Variants in MGAM observed in about 807,000 individuals in gnomAD.
MGAM encodes maltase-glucoamylase, also known as alpha-1,4-glucosidase.
In MGAM, 253 loss-of-function variants were observed where a neutral mutation model predicts 358.8. The observed-to-expected ratio is 0.71, with a 90% confidence interval of 0.64 to 0.78. The LOEUF is 0.78. Among genes scored for constraint, MGAM ranks in the 30% least tolerant of loss-of-function variants. The pLI is 0.00. For synonymous variants in MGAM, 1,105 were observed against 1,227.1 expected (o/e 0.90, Z 2.08); for missense variants, 3,080 against 3,432.6 (o/e 0.90, Z 2.57).
intron 2 of MGAM, among the ~76,000 whole-genome samples, chr7:141,989,652 C>T (rs899860021): frequency 2.6e-5 from 4 of 151,676 alleles, no homozygotes; most frequent in Non-Finnish European, 4.4e-5. Flanking sequence ...AACTCCTGGG[C>T]TCAAGTGATC....
chr7:142,005,454 CT>C lies in MGAM; in HGVS notation c.-2-71del. The C allele has an allele frequency of 2.7e-6, 3 of 1,115,348 alleles. No individual in the cohort carries two copies. The South Asian group carries it at 5.1e-5, about 19-fold the overall frequency. 69.1% of individuals were successfully genotyped at this position (1,115,348 alleles called of 1,614,324 possible). A position where few individuals can be genotyped will look rare whatever the true frequency, so the allele number is the denominator to read the frequency against. On this transcript the variant is annotated intron_variant, in intron 1 of 70. Transcript: ENST00000475668. ...ATAGTATTCATTGCATACATTTGAG[CT>C]TTTCCATTAAAAATCTTACTAGTTA...
chr7:142,071,168 T>C (rs1206341611), intron 44 of MGAM, 50 bp downstream of exon 44: 1 of 1,511,422 alleles, frequency 6.6e-7, no homozygotes, highest in Admixed American at 1.9e-5. Flanking sequence ...AGCTCAACAA[T>C]TTGTGATGAA....
chr7:142,068,348 C>A lies in MGAM; in HGVS notation c.5005-299C>A, dbSNP rs551040192. On this transcript the variant is annotated intron_variant, in intron 42 of 70. Transcript: ENST00000475668. ...TTTCTTCTGCCCCAGACACAACCTCCCTTGTTTGTCTCTTTAAGAGTCAAA... is the reference window on the plus strand; with the variant it reads ...TTTCTTCTGCCCCAGACACAACCTCACTTGTTTGTCTCTTTAAGAGTCAAA... 1.1e-4 allele frequency among the ~76,000 whole-genome samples: 16 copies of A among 143,970 alleles called. 1 individual carries two copies. Among genetic ancestry groups the A allele is most frequent in the African/African-American group, 3.9e-4 (16 of 40,926 alleles). 94.4% of individuals were successfully genotyped at this position (143,970 alleles called of 152,430 possible).
intron 3 of MGAM, among the ~76,000 whole-genome samples, chr7:142,011,478 G>A (rs1249170457): frequency 6.6e-6 from 1 of 151,414 alleles, no homozygotes; most frequent in African/African-American, 2.4e-5. Flanking sequence ...AGTCTTAAAA[G>A]ACTTAAGTTT....
In MGAM at chr7:142,015,597, T is replaced by C. The variant is rs1805904716; in HGVS notation, c.328-3602T>C. ...TTGAATTTCTACCGAGACAATATTT[T>C]GTCTGGAAGTAATGGATGATTTGGC... On this transcript the variant is annotated intron_variant, in intron 3 of 70. Transcript: ENST00000475668. 2.0e-5 allele frequency among the ~76,000 whole-genome samples: 3 copies of C among 152,100 alleles called. No homozygotes were observed. The South Asian group carries it at 6.2e-4, about 32-fold the overall frequency.
chr7:142,056,895 G>C lies in MGAM; in HGVS notation c.3646G>C (p.Val1216Leu). 6.2e-7 allele frequency: 1 copy of C among 1,613,886 alleles called. No individual in the cohort carries two copies. The highest frequency in any genetic ancestry group is 8.5e-7 in the Non-Finnish European group (1 of 1,179,832). Residue 1216 changes from valine (V) to leucine (L), a missense_variant, in exon 30 of 71, where the codon GTG becomes CTG. Transcript: ENST00000475668. ...CACAGGGGGAGTTCTGGACTTTTAT[G>C]TGTTCTTGGGGCCGACTCCAGAGCT... ...RTTGGVLDFY[V>L]FLGPTPELVT...
intron 10 of MGAM, chr7:142,030,159 G>A: frequency 1.8e-6 from 1 of 552,514 alleles, no homozygotes. Context: ...GCAGGGAGGG[G>A]GCCAAGCCCT....
In MGAM at chr7:142,097,357, T is replaced by C. The variant is rs374134459; in HGVS notation, c.7693-236T>C. On this transcript the variant is annotated intron_variant, in intron 65 of 70. Transcript: ENST00000475668. ...TAAGCAAATAGTGAATTTTTTTTTT[T>C]CCCGAAGTCCTGGGTACCAAAGTGC... Among the ~76,000 whole-genome samples the C allele has an allele frequency of 4.3e-5, 6 of 139,240 alleles. No individual in the cohort carries two copies. In the South Asian group the frequency reaches 7.0e-4, roughly 16 times the overall value. The allele number at this position is 139,240 out of a possible 152,430, so 91.3% of individuals were successfully genotyped here. A position where few individuals can be genotyped will look rare whatever the true frequency, so the allele number is the denominator to read the frequency against.
chr7:142,029,986 GT>G (rs1378071327), intron 10 of MGAM, among the ~76,000 whole-genome samples: 1 of 152,224 alleles, frequency 6.6e-6, no homozygotes, highest in African/African-American at 2.4e-5. Flanking sequence ...GAGAGAGACA[GT>G]CTCTTCCCTT....
chr7:142,031,463 ATTAAGGAC>A (rs1807484461), intron 12 of MGAM, among the ~76,000 whole-genome samples: 2 of 152,220 alleles, frequency 1.3e-5, no homozygotes, highest in South Asian at 4.1e-4. Context: ...GAATTTATTC[ATTAAGGAC>A]TTAAACATTT....
At chr7:142,049,932 A>T (rs144115117) in intron 22 of MGAM, among the ~76,000 whole-genome samples, 2 of 152,212 alleles carry the variant, frequency 1.3e-5, no homozygotes, top group Non-Finnish European at 2.9e-5. Flanking sequence ...ATCCCATGAA[A>T]TCCCACTTCT....
At chr7:142,036,036 C>T (rs1554465656) in intron 16 of MGAM, 133 bp from the exon 17 acceptor site, 2 of 647,384 alleles carry the variant, frequency 3.1e-6, no homozygotes, top group Non-Finnish European at 5.4e-6. Context: ...AGGCTATGAC[C>T]AAATTTTGAC....
intron 37 of MGAM, 120 bp downstream of exon 37, chr7:142,064,642 T>G (rs1204274122): frequency 7.5e-7 from 1 of 1,339,622 alleles, no homozygotes; most frequent in East Asian, 2.5e-5. Context: ...CTCATAACTC[T>G]GTAATGATTC....
Position 142,036,403 on chromosome 7 carries a change from A to G in MGAM, c.2076+118A>G. ...CTCTTACCTGGTCTTCACTTACTCT[A>G]ATTTGCACTATCATGTGCAATTAAC... is the stretch of plus-strand genomic sequence containing the variant. On this transcript the variant is annotated intron_variant, in intron 17 of 70. Transcript: ENST00000475668. 3 of 760,224 alleles carry G rather than the reference A, an allele frequency of 3.9e-6. No individual in the cohort carries two copies. In the Middle Eastern group the frequency reaches 7.0e-4, roughly 178 times the overall value. The allele number at this position is 760,224 out of a possible 1,614,324, so 47.1% of individuals were successfully genotyped here.
chr7:142,042,517 T>C (rs1275650816), intron 21 of MGAM, among the ~76,000 whole-genome samples: 1 of 16,872 alleles, frequency 5.9e-5, no homozygotes, highest in Non-Finnish European at 8.6e-5. Context: ...ATATATATTA[T>C]ATATACATAT....
chr7:142,083,913 TAGTGGTGGTGAC>T (rs1814546689), intron 53 of MGAM, among the ~76,000 whole-genome samples: 1 of 128,488 alleles, frequency 7.8e-6, no homozygotes, highest in Admixed American at 7.3e-5. Context: ...ATGGTGGTGG[TAGTGGTGGTGAC>T]AGTGGGGTGG....
At chr7:142,057,334 G>T (rs1309678087) in intron 30 of MGAM, among the ~76,000 whole-genome samples, 1 of 151,320 alleles carries the variant, frequency 6.6e-6, no homozygotes, top group Middle Eastern at 3.2e-3. Context: ...TAATGGGTGT[G>T]TTGGTGATGA....
chr7:142,103,614 T>C (rs1816617033), intron 70 of MGAM, among the ~76,000 whole-genome samples, 175 bp downstream of exon 70: 1 of 152,184 alleles, frequency 6.6e-6, no homozygotes, highest in Admixed American at 6.5e-5. Context: ...TCATGGTTTA[T>C]CATCATTTGG....
At chr7:142,039,001 G>A (rs1808261488) in intron 19 of MGAM, among the ~76,000 whole-genome samples, 1 of 152,066 alleles carries the variant, frequency 6.6e-6, no homozygotes, top group Non-Finnish European at 1.5e-5. Context: ...CAGCTTCTAG[G>A]GAGGCCTCAG....
Sources: gnomAD v4.1 joint callset for allele counts (sites outside exome capture counted in the v4.1 genomes callset) on GRCh38, gnomAD v4.1.1 for gene constraint, MANE v1.5 for transcripts, NCBI Gene and HGNC (gene_info 2026-07-23, HGNC 2026-07-21) for gene names.